The following GRIK1 variants were observed in gnomAD, a reference collection of about 807,000 sequenced individuals.
GRIK1 encodes the protein glutamate receptor ionotropic, kainate 1.
GRIK1 carries 69 observed loss-of-function variants against 105.7 expected under a neutral mutation model. The observed-to-expected ratio is 0.65, with a 90% CI of 0.54 to 0.80. The LOEUF (loss-of-function observed/expected upper bound fraction) is 0.80. GRIK1 is among the 30% of genes least tolerant of loss of function. GRIK1 has a pLI of 0.00. For synonymous variants in GRIK1, 438 were observed against 431.3 expected (o/e 1.02, Z -0.19); for missense variants, 1,109 against 1,167.3 (o/e 0.95, Z 0.73).
At chr21:29,623,665 A>C (rs1193934538) in intron 7 of GRIK1, among the ~76,000 whole-genome samples, 1 of 152,190 alleles carries the variant, frequency 6.6e-6, no homozygotes, top group East Asian at 1.9e-4. Context: ...TAACTCTCAA[A>C]ATGAATATTG....
chr21:29,791,974 ATTTAAC>A (rs961871422), intron 1 of GRIK1, among the ~76,000 whole-genome samples: 54 of 152,194 alleles, frequency 3.5e-4, no homozygotes, highest in Non-Finnish European at 6.6e-4. Context: ...TTATATGCTG[ATTTAAC>A]AACATAATTT....
intron 1 of GRIK1, among the ~76,000 whole-genome samples, chr21:29,777,450 T>C (rs575056875): frequency 6.6e-6 from 1 of 152,298 alleles, no homozygotes; most frequent in East Asian, 1.9e-4. Context: ...GTGAAAATTT[T>C]CCCAGGACTA....
intron 12 of GRIK1, among the ~76,000 whole-genome samples, chr21:29,586,300 G>T (rs150997779): frequency 3.9e-5 from 6 of 152,192 alleles, no homozygotes; most frequent in African/African-American, 1.4e-4. Context: ...AGCACATGTT[G>T]ATTCAGTTTG....
At chr21:29,758,287 T>A (rs1219867791) in intron 1 of GRIK1, among the ~76,000 whole-genome samples, 2 of 152,154 alleles carry the variant, frequency 1.3e-5, no homozygotes, top group African/African-American at 2.4e-5. Context: ...GGGTAATTTA[T>A]AAAGAAAAGA....
At chr21:29,675,400 G>A (rs2063246664) in intron 3 of GRIK1, among the ~76,000 whole-genome samples, 1 of 151,912 alleles carries the variant, frequency 6.6e-6, no homozygotes, top group African/African-American at 2.4e-5. Context: ...ATGACCACAA[G>A]GGACAGTTTA....
chr21:29,726,716 AATTT>A (rs144957635), intron 1 of GRIK1, among the ~76,000 whole-genome samples: 2,559 of 151,862 alleles, frequency 0.017, 65 homozygotes, highest in African/African-American at 0.056. Flanking sequence ...AATTGACTAT[AATTT>A]ATTTAATCCT....
chr21:29,587,695 A>T, intron 11 of GRIK1, 106 bp from the exon 12 acceptor site: 1 of 647,738 alleles, frequency 1.5e-6, no homozygotes. Context: ...AATGCTTCTC[A>T]TTCATGAAGC....
intron 1 of GRIK1, among the ~76,000 whole-genome samples, chr21:29,812,648 A>G (rs1233227953): frequency 6.6e-6 from 1 of 152,164 alleles, no homozygotes; most frequent in Non-Finnish European, 1.5e-5. Flanking sequence ...AGGAGATATA[A>G]CAACTAGCAT....
chr21:29,566,469 T>C (rs1359490393), intron 14 of GRIK1, among the ~76,000 whole-genome samples: 1 of 152,236 alleles, frequency 6.6e-6, no homozygotes, highest in Non-Finnish European at 1.5e-5. Context: ...ATCCTCATGC[T>C]GATGAAACAT....
chr21:29,758,861 GA>G lies in GRIK1; in HGVS notation c.119-64799del, dbSNP rs937033608. ...TCAGGCCTGTCTCAGAGCTATGGAG[GA>G]TGCAGCAAAAGGGATGCCTTTGATC... On this transcript the variant is annotated intron_variant, in intron 1 of 17. Transcript: ENST00000327783. The G allele has an allele frequency of 2.6e-5, 4 of 152,874 alleles. No homozygotes were observed. The Admixed American group carries it at 2.6e-4, about 10-fold the overall frequency. The allele number at this position is 152,874 out of a possible 1,614,324, so 9.5% of individuals were successfully genotyped here. A position where few individuals can be genotyped will look rare whatever the true frequency, so the allele number is the denominator to read the frequency against.
At chr21:29,716,466 C>T (rs974973809) in intron 1 of GRIK1, among the ~76,000 whole-genome samples, 1 of 152,074 alleles carries the variant, frequency 6.6e-6, no homozygotes, top group Non-Finnish European at 1.5e-5. Context: ...TTGGAACTTC[C>T]TAGAGACTTG....
At chr21:29,772,295 C>T (rs148423666) in intron 1 of GRIK1, among the ~76,000 whole-genome samples, 2 of 152,142 alleles carry the variant, frequency 1.3e-5, no homozygotes, top group African/African-American at 4.8e-5. Flanking sequence ...TGTTTGCTGC[C>T]CTTTTTGAGT....
intron 1 of GRIK1, among the ~76,000 whole-genome samples, chr21:29,781,914 C>A (rs1387614070): frequency 6.6e-6 from 1 of 150,766 alleles, no homozygotes; most frequent in African/African-American, 2.4e-5. Context: ...TCATGATCCA[C>A]CCGCCTCGGC....
chr21:29,712,240 A>G (rs1253660970), intron 1 of GRIK1, among the ~76,000 whole-genome samples: 1 of 152,050 alleles, frequency 6.6e-6, no homozygotes, highest in African/African-American at 2.4e-5. Flanking sequence ...GTGATGTACA[A>G]TATTCCACCT....
chr21:29,844,815 G>T (rs2068072130), intron 1 of GRIK1, among the ~76,000 whole-genome samples: 1 of 151,876 alleles, frequency 6.6e-6, no homozygotes, highest in Non-Finnish European at 1.5e-5. Context: ...ATTGATCTTG[G>T]CTCTATTCTT....
intron 7 of GRIK1, among the ~76,000 whole-genome samples, chr21:29,641,835 T>C (rs76568686): frequency 2.0e-5 from 3 of 152,246 alleles, no homozygotes; most frequent in African/African-American, 7.2e-5. Flanking sequence ...TTGAACAGAC[T>C]GAGAGAGGGT....
chr21:29,888,208 TCTCTCTCTCTCTCTCTCTCTCTC>T (rs2069740742), intron 1 of GRIK1, among the ~76,000 whole-genome samples: 1 of 111,656 alleles, frequency 9.0e-6, no homozygotes, highest in Non-Finnish European at 2.0e-5. Context: ...TCTCTCTCTC[TCTCTCTCTCTCTCTCTCTCTCTC>T]TCCTTCCTTC....
rs1055330334 is a variant in GRIK1 at position 29,645,368 on chromosome 21, C to T, written c.955-2399G>A. 2.8e-4 allele frequency among the ~76,000 whole-genome samples: 43 copies of T among 152,046 alleles called. 1 individual carries two copies. The highest frequency in any genetic ancestry group is 1.0e-3 in the African/African-American group (42 of 41,390). On this transcript the variant is annotated intron_variant, in intron 6 of 17. Coordinates refer to ENST00000327783, the MANE Select transcript of GRIK1 (RefSeq NM_001330994.2). Reference sequence around the variant, plus strand: ...AATAGGATATACTTTTTTGAAAATTCGTATGTGTTTTCATTAATTCGCTGA... The same window carrying T: ...AATAGGATATACTTTTTTGAAAATTTGTATGTGTTTTCATTAATTCGCTGA...
intron 16 of GRIK1, among the ~76,000 whole-genome samples, chr21:29,548,243 A>G (rs2090077444): frequency 6.6e-6 from 1 of 152,206 alleles, no homozygotes; most frequent in Non-Finnish European, 1.5e-5. Flanking sequence ...CAAAGTTCAA[A>G]TTCTGCAGGG....
Sources: gnomAD v4.1 joint callset for allele counts (sites outside exome capture counted in the v4.1 genomes callset) on GRCh38, gnomAD v4.1.1 for gene constraint, MANE v1.5 for transcripts, NCBI Gene and HGNC (gene_info 2026-07-23, HGNC 2026-07-21) for gene names.